PDZRN3: variants seen among roughly 807,000 people sequenced by gnomAD.
The protein encoded by PDZRN3 is E3 ubiquitin-protein ligase PDZRN3.
PDZRN3 carries 38 observed loss-of-function variants against 85.7 expected under a neutral mutation model. That is an observed-to-expected ratio of 0.44 (90% CI 0.34 to 0.58). The LOEUF is 0.58. Among genes scored for constraint, PDZRN3 ranks in the 20% least tolerant of loss-of-function variants. The pLI is 0.01. For synonymous variants in PDZRN3, 759 were observed against 638.0 expected, an observed-to-expected ratio of 1.19 and a Z score of -2.86; for missense variants, 1,629 against 1,506.4, an observed-to-expected ratio of 1.08 and a Z score of -1.35.
intron 1 of PDZRN3, among the ~76,000 whole-genome samples, chr3:73,610,805 C>T (rs1325825846): frequency 2.0e-5 from 3 of 152,126 alleles, no homozygotes; most frequent in Non-Finnish European, 4.4e-5. Flanking sequence ...GTGATAACCA[C>T]TTATTCAAGA....
At position 73,394,633 on chromosome 3, in the gene PDZRN3, G is replaced by A. The variant is rs115532433; in HGVS notation, c.1255-3517C>T. On this transcript the variant is annotated intron_variant, in intron 5 of 9. Transcript: ENST00000263666. ...AGCTTACTCTAGGTATTTACTTGAC[G>A]TGGATGTGAGACAGGATGGTGTGGG... is the stretch of plus-strand genomic sequence containing the variant. Among the ~76,000 whole-genome samples the A allele has an allele frequency of 3.4e-3, 521 of 152,320 alleles. 1 individual carries two copies. Among genetic ancestry groups the A allele is most frequent in the African/African-American group, 0.012 (502 of 41,570 alleles).
chr3:73,484,975 A>G (rs1703637192), intron 3 of PDZRN3, among the ~76,000 whole-genome samples: 1 of 152,052 alleles, frequency 6.6e-6, no homozygotes, highest in Non-Finnish European at 1.5e-5. Context: ...GAGTAAATTT[A>G]ACTTTAAAAT....
At chr3:73,468,396 T>A (rs1703265310) in intron 3 of PDZRN3, among the ~76,000 whole-genome samples, 1 of 152,156 alleles carries the variant, frequency 6.6e-6, no homozygotes, top group Non-Finnish European at 1.5e-5. Flanking sequence ...TTGTGTTGTT[T>A]TAAGCACCTT....
At chr3:73,437,368 C>A (rs187908709) in intron 3 of PDZRN3, among the ~76,000 whole-genome samples, 4 of 152,284 alleles carry the variant, frequency 2.6e-5, no homozygotes, top group East Asian at 3.9e-4. Context: ...TGTCATGTAA[C>A]CGCTAGAAAA....
chr3:73,478,328 G>A (rs1277612302), intron 3 of PDZRN3, among the ~76,000 whole-genome samples: 1 of 152,032 alleles, frequency 6.6e-6, no homozygotes, highest in Non-Finnish European at 1.5e-5. Flanking sequence ...TGTCAGATCA[G>A]CAGCGACATT....
intron 3 of PDZRN3, among the ~76,000 whole-genome samples, chr3:73,405,814 AG>A (rs1701843062): frequency 6.6e-6 from 1 of 152,250 alleles, no homozygotes; most frequent in African/African-American, 2.4e-5. Context: ...GCTGACAATT[AG>A]GTCTATCCTC....
chr3:73,576,771 G>C (rs1035938238), intron 3 of PDZRN3, among the ~76,000 whole-genome samples: 12 of 152,130 alleles, frequency 7.9e-5, no homozygotes, highest in Admixed American at 2.0e-4. Flanking sequence ...GGACTTTACA[G>C]AACTGTCATC....
intron 3 of PDZRN3, among the ~76,000 whole-genome samples, chr3:73,487,257 A>C (rs550093726): frequency 3.9e-5 from 6 of 152,196 alleles, no homozygotes; most frequent in Non-Finnish European, 8.8e-5. Flanking sequence ...TTTTTTAACT[A>C]TAATAAATTT....
chr3:73,502,683 T>C (rs1313025649), intron 3 of PDZRN3, among the ~76,000 whole-genome samples: 1 of 152,226 alleles, frequency 6.6e-6, no homozygotes, highest in Non-Finnish European at 1.5e-5. Flanking sequence ...ATTTCAACAG[T>C]ACAGCTATAG....
chr3:73,394,383 A>T (rs3845871), intron 5 of PDZRN3, among the ~76,000 whole-genome samples: 106,792 of 152,104 alleles, frequency 0.7, 37,612 homozygotes, highest in East Asian at 0.86. Context: ...AGCCTTCAAC[A>T]CCCATCATAA....
At chr3:73,566,618 ATATTT>A (rs1237713125) in intron 3 of PDZRN3, among the ~76,000 whole-genome samples, 1 of 152,284 alleles carries the variant, frequency 6.6e-6, no homozygotes, top group South Asian at 2.1e-4. Flanking sequence ...GGTGTGACCC[ATATTT>A]TATTTGCCCT....
chr3:73,496,024 T>C (rs537062517), intron 3 of PDZRN3, among the ~76,000 whole-genome samples: 1 of 151,958 alleles, frequency 6.6e-6, no homozygotes, highest in African/African-American at 2.4e-5. Context: ...GTGTTAATTA[T>C]AAGGATTATC....
At chr3:73,511,137 G>T (rs761520678) in intron 3 of PDZRN3, among the ~76,000 whole-genome samples, 1 of 152,158 alleles carries the variant, frequency 6.6e-6, no homozygotes, top group Non-Finnish European at 1.5e-5. Flanking sequence ...GAAATATGGT[G>T]ACTTCATTTC....
At chr3:73,550,014 G>T (rs1228215366) in intron 3 of PDZRN3, among the ~76,000 whole-genome samples, 1 of 152,170 alleles carries the variant, frequency 6.6e-6, no homozygotes. Context: ...CAAACAGAGG[G>T]TATGGTCCAA....
chr3:73,614,930 CTG>C (rs1157840121), intron 1 of PDZRN3, among the ~76,000 whole-genome samples: 1 of 152,094 alleles, frequency 6.6e-6, no homozygotes, highest in Non-Finnish European at 1.5e-5. Context: ...TAAGAGGAAA[CTG>C]TTCCAAAGCC....
At chr3:73,443,732 G>A (rs377648272) in intron 3 of PDZRN3, among the ~76,000 whole-genome samples, 2 of 151,634 alleles carry the variant, frequency 1.3e-5, no homozygotes, top group Non-Finnish European at 2.9e-5. Context: ...GGCCTCAAGC[G>A]ATGTTCCTGT....
chr3:73,531,162 A>G (rs1704644319), intron 3 of PDZRN3, among the ~76,000 whole-genome samples: 1 of 151,206 alleles, frequency 6.6e-6, no homozygotes, highest in Admixed American at 6.6e-5. Context: ...GAGGCAGGAG[A>G]ATGGCATGAA....
At chr3:73,581,739 T>C (rs1191719415) in intron 3 of PDZRN3, among the ~76,000 whole-genome samples, 1 of 151,940 alleles carries the variant, frequency 6.6e-6, no homozygotes, top group Non-Finnish European at 1.5e-5. Flanking sequence ...GGGCACAATA[T>C]GCTATTACAG....
chr3:73,597,099 C>T (rs1284754891), intron 3 of PDZRN3, among the ~76,000 whole-genome samples: 1 of 152,094 alleles, frequency 6.6e-6, no homozygotes, highest in Non-Finnish European at 1.5e-5. Flanking sequence ...AAAGGGGAGT[C>T]TTCTATTACT....
Sources: allele counts gnomAD v4.1 joint callset (sites outside exome capture counted in the v4.1 genomes callset), GRCh38; gene constraint gnomAD v4.1.1; transcripts MANE v1.5; gene names NCBI Gene and HGNC (gene_info 2026-07-23, HGNC 2026-07-21).